Variants in SKP2 observed in about 807,000 individuals in gnomAD.
SKP2 encodes S-phase kinase-associated protein 2.
SKP2 carries 16 observed loss-of-function variants against 51.8 expected under a neutral mutation model. The ratio of observed to expected loss-of-function variants is 0.31; its 90% CI spans 0.21 to 0.47. The LOEUF (loss-of-function observed/expected upper bound fraction) is 0.47, where lower values mean the gene tolerates loss of function less well. SKP2 is among the 20% of genes least tolerant of loss of function. The probability of loss-of-function intolerance (pLI) is 1.00; values close to 1 mark genes in which losing one functional copy is unlikely to be tolerated. For synonymous variants in SKP2, 176 were observed against 198.6 expected, an observed-to-expected ratio of 0.89 and a Z score of 0.96; for missense variants, 377 against 505.3, an observed-to-expected ratio of 0.75 and a Z score of 2.43.
intron 3 of SKP2, among the ~76,000 whole-genome samples, chr5:36,165,946 A>G (rs1232610222): frequency 6.6e-6 from 1 of 152,216 alleles, no homozygotes; most frequent in Admixed American, 6.5e-5. Context: ...ACATATGTAC[A>G]CATACATATA....
intron 2 of SKP2, among the ~76,000 whole-genome samples, chr5:36,153,288 A>G (rs1055104258): frequency 2.0e-5 from 3 of 151,784 alleles, no homozygotes; most frequent in African/African-American, 7.3e-5. Context: ...AACCCATGAG[A>G]AGACATTCCT....
chr5:36,168,952 G>A (rs1745381004), intron 5 of SKP2, among the ~76,000 whole-genome samples: 1 of 152,206 alleles, frequency 6.6e-6, no homozygotes, highest in Non-Finnish European at 1.5e-5. Context: ...AGATATCTAG[G>A]TAGGAGATCT....
At chr5:36,177,137 A>C (rs1049869374) in intron 8 of SKP2, 48 bp from the exon 9 acceptor site, 1 of 1,354,770 alleles carries the variant, frequency 7.4e-7, no homozygotes, top group South Asian at 1.2e-5. Context: ...TTCTTTATCT[A>C]GGATCAATGT....
intron 5 of SKP2, among the ~76,000 whole-genome samples, chr5:36,169,462 A>G (rs1288075452): frequency 6.6e-6 from 1 of 152,114 alleles, no homozygotes; most frequent in Non-Finnish European, 1.5e-5. Flanking sequence ...AAATAAAAAA[A>G]GGGAAGGATG....
chr5:36,152,959 C>A lies in SKP2; in HGVS notation c.197C>A (p.Pro66Gln), dbSNP rs761047966. 6.2e-6 allele frequency: 10 copies of A among 1,614,022 alleles called. No individual in the cohort carries two copies. The highest frequency in any genetic ancestry group is 8.5e-6 in the Non-Finnish European group (10 of 1,180,018). Residue 66 changes from proline to glutamine, a missense_variant, in exon 2 of 10, where the codon CCA (proline) becomes CAA (glutamine). Around this residue, in one of 2 missense-constraint regions of SKP2, gnomAD observed 115 missense variants for 115.5 expected, o/e 1.00. Coordinates refer to ENST00000274255, the MANE Select transcript of SKP2 (RefSeq NM_005983.4). Reference sequence around the variant, plus strand: ...AACCTGGGCCACCCGGAGAGCCCCCCACGGAAACGGCTGAAGAGCAAAGGG... The same window carrying A: ...AACCTGGGCCACCCGGAGAGCCCCCAACGGAAACGGCTGAAGAGCAAAGGG... ...LSNLGHPESP[P>Q]RKRLKSKGSD...
intron 6 of SKP2, among the ~76,000 whole-genome samples, chr5:36,191,102 T>C (rs956563552): frequency 1.3e-5 from 2 of 152,234 alleles, no homozygotes; most frequent in African/African-American, 4.8e-5. Flanking sequence ...TTCTGGATTT[T>C]GCGTCTATCC....
downstream of SKP2, among the ~76,000 whole-genome samples, chr5:36,185,142 G>A (rs1745934873): frequency 6.6e-6 from 1 of 152,094 alleles, no homozygotes; most frequent in Non-Finnish European, 1.5e-5. Context: ...TGAGTTCTTT[G>A]TAGATTCTGG....
intron 2 of SKP2, 65 bp downstream of exon 2, chr5:36,153,107 C>T (rs1344536196): frequency 6.6e-7 from 1 of 1,504,584 alleles, no homozygotes; most frequent in Non-Finnish European, 9.1e-7. Flanking sequence ...TGTTGGGAAA[C>T]CTTTGTTCAG....
rs1250821649 is a variant in SKP2 at position 36,184,122 on chromosome 5, T to C, written c.*2091T>C. 1 of 623,588 alleles carries C rather than the reference T, an allele frequency of 1.6e-6. No homozygotes were observed. Among genetic ancestry groups the C allele is most frequent in the Non-Finnish European group, 2.8e-6 (1 of 363,204 alleles). 38.6% of individuals were successfully genotyped at this position (623,588 alleles called of 1,614,324 possible). Reference sequence around the variant, plus strand: ...AAAGCATTTAGTGTGGTATGCCATTTGGCTTAGATACCTCTAAATAAGACT... The same window carrying C: ...AAAGCATTTAGTGTGGTATGCCATTCGGCTTAGATACCTCTAAATAAGACT... On this transcript the variant is annotated 3_prime_UTR_variant, in exon 10 of 10. Transcript: ENST00000274255.
chr5:36,166,402 T>C, intron 3 of SKP2, 117 bp from the exon 4 acceptor site: 1 of 833,086 alleles, frequency 1.2e-6, no homozygotes, highest in Non-Finnish European at 1.9e-6. Context: ...CAAAAGTTCT[T>C]TTAGAATATG....
At chr5:36,186,740 GGAT>G (rs1393425771), downstream of SKP2, among the ~76,000 whole-genome samples, 1 of 151,984 alleles carries the variant, frequency 6.6e-6, no homozygotes, top group Non-Finnish European at 1.5e-5. Context: ...TTTGGTATCA[GGAT>G]GATGCTGGCC....
chr5:36,171,710 A>C lies in SKP2; in HGVS notation c.878A>C (p.Tyr293Ser). 6.2e-7 allele frequency: 1 copy of C among 1,613,952 alleles called. No individual in the cohort carries two copies. Among genetic ancestry groups the C allele is most frequent in the Non-Finnish European group, 8.5e-7 (1 of 1,179,844 alleles). ...ATCACCCAGCTGAATCTTAGCGGCT[A>C]CAGAAAGAATCTCCAGAAATCAGGT... is the stretch of plus-strand genomic sequence containing the variant. Reference protein sequence around the residue: ...ETITQLNLSGYRKNLQKSDLS... With the variant: ...ETITQLNLSGSRKNLQKSDLS... The change falls in exon 7 of 10, where the codon TAC (tyrosine) becomes TCC (serine). Residue 293 changes from tyrosine to serine, a missense_variant. Tyr to Ser is a moderately radical substitution (Grantham distance 144). Transcript: ENST00000274255.
chr5:36,181,722 G>A (rs2112014139), intron 9 of SKP2, 96 bp from the exon 10 acceptor site: 1 of 1,264,468 alleles, frequency 7.9e-7, no homozygotes. Flanking sequence ...ACTGCATTTT[G>A]TAGATGACAC....
chr5:36,152,927 G>A lies in SKP2; in HGVS notation c.165G>A (p.Leu55=), dbSNP rs1345544408. The A allele has an allele frequency of 6.2e-7, 1 of 1,614,126 alleles. No individual in the cohort carries two copies. Among genetic ancestry groups the A allele is most frequent in the Non-Finnish European group, 8.5e-7 (1 of 1,180,030 alleles). The change falls in exon 2 of 10, where the codon CTG becomes CTA. Residue 55 remains leucine (L), a synonymous_variant. Transcript: ENST00000274255. ...EPDSENIPQE[L]LSNLGHPESP... Reference sequence around the variant, plus strand: ...ACAGTGAGAACATCCCCCAGGAACTGCTCTCAAACCTGGGCCACCCGGAGA... The same window carrying A: ...ACAGTGAGAACATCCCCCAGGAACTACTCTCAAACCTGGGCCACCCGGAGA...
intron 2 of SKP2, 70 bp downstream of exon 2, chr5:36,153,112 G>T: frequency 1.4e-6 from 2 of 1,468,320 alleles, no homozygotes; most frequent in Non-Finnish European, 1.9e-6. Flanking sequence ...GGAAACCTTT[G>T]TTCAGAGATC....
intron 2 of SKP2, among the ~76,000 whole-genome samples, chr5:36,154,230 GACCTTTA>G (rs1744866719): frequency 6.6e-6 from 1 of 152,072 alleles, no homozygotes; most frequent in African/African-American, 2.4e-5. Context: ...ATTGGACAGT[GACCTTTA>G]AGCAAAGACA....
At chr5:36,161,450 G>C (rs1745119074) in intron 2 of SKP2, among the ~76,000 whole-genome samples, 1 of 152,162 alleles carries the variant, frequency 6.6e-6, no homozygotes, top group South Asian at 2.1e-4. Flanking sequence ...GATTTTAAAT[G>C]AATAGTAGTT....
At chr5:36,172,172 G>A (rs184065242) in intron 7 of SKP2, among the ~76,000 whole-genome samples, 70 of 152,310 alleles carry the variant, frequency 4.6e-4, no homozygotes, top group African/African-American at 1.6e-3. Flanking sequence ...GGTCTCTCAT[G>A]GGCGGAAGCC....
intron 2 of SKP2, among the ~76,000 whole-genome samples, chr5:36,160,139 G>C (rs1216763974): frequency 6.6e-6 from 1 of 152,124 alleles, no homozygotes; most frequent in Non-Finnish European, 1.5e-5. Flanking sequence ...TAAGTAACTT[G>C]CCCAAGTTCA....
Sources: allele counts gnomAD v4.1 joint callset (sites outside exome capture counted in the v4.1 genomes callset), GRCh38; gene constraint gnomAD v4.1.1; regional missense constraint gnomAD v4.1.1; transcripts MANE v1.5; gene names NCBI Gene and HGNC (gene_info 2026-07-23, HGNC 2026-07-21).